RPH3AL: variants seen among roughly 807,000 people sequenced by gnomAD.
RPH3AL encodes rabphilin 3A like (without C2 domains), also known as rab effector Noc2.
A neutral mutation model predicts 43.1 loss-of-function variants in RPH3AL; 38 were observed. That is an observed-to-expected ratio of 0.88 (90% CI 0.68 to 1.15). The LOEUF (loss-of-function observed/expected upper bound fraction) is 1.15, where lower values mean the gene tolerates loss of function less well. Ranked by LOEUF, RPH3AL falls within the 50% of genes most tolerant of loss-of-function variation. RPH3AL has a pLI of 0.00. For missense variants in RPH3AL, 462 were observed against 423.2 expected, an observed-to-expected ratio of 1.09 and a Z score of -0.81; for synonymous variants, 189 against 176.3, an observed-to-expected ratio of 1.07 and a Z score of -0.57.
At chr17:222,766 G>A (rs955403128) in intron 7 of RPH3AL, among the ~76,000 whole-genome samples, 6 of 152,110 alleles carry the variant, frequency 3.9e-5, no homozygotes, top group African/African-American at 7.2e-5. Context: ...GAATTGCAGC[G>A]GGACCCACAG....
At chr17:298,503 C>T (rs1598041353) in intron 5 of RPH3AL, among the ~76,000 whole-genome samples, 1 of 151,640 alleles carries the variant, frequency 6.6e-6, no homozygotes, top group East Asian at 2.0e-4. Context: ...TTGAGACCAG[C>T]CTGGTCAATA....
rs1373235131 is a variant in RPH3AL, at chr17:344,409, TCACCCACATCATCATCACCATCAC to T, written c.-213+8279_-213+8302del. ...CCACCATCAGACATCATCACCATCA[TCACCCACATCATCATCACCATCAC>T]CACCATCAGACATCATCACCACTAT... On this transcript the variant is annotated intron_variant, in intron 1 of 9. Transcript: ENST00000331302. Among the ~76,000 whole-genome samples the T allele has an allele frequency of 5.4e-5, 7 of 130,158 alleles. 1 individual carries two copies. The highest frequency in any genetic ancestry group is 1.9e-4 in the African/African-American group (7 of 37,674). The allele number at this position is 130,158 out of a possible 152,430, so 85.4% of individuals were successfully genotyped here.
At chr17:230,086 T>C (rs537784083) in intron 7 of RPH3AL, among the ~76,000 whole-genome samples, 77 of 152,194 alleles carry the variant, frequency 5.1e-4, no homozygotes, top group African/African-American at 1.9e-3. Flanking sequence ...CAGGCTGCCA[T>C]GGAAAGGCCC....
rs200704991 is a variant in RPH3AL, at chr17:252,040, G to C, written c.439-4755C>G. On this transcript the variant is annotated intron_variant, in intron 6 of 9. Coordinates refer to ENST00000331302, the MANE Select transcript of RPH3AL (RefSeq NM_006987.4). ...CAGGACGGAGTGCAGTGGAGCAATC[G>C]GCTCACTGCAGCCTTCACCTGCCCA... is the stretch of plus-strand genomic sequence containing the variant. Among the ~76,000 whole-genome samples the C allele has an allele frequency of 2.6e-5, 4 of 151,166 alleles. No homozygotes were observed. The East Asian group carries it at 7.8e-4, about 29-fold the overall frequency.
intron 5 of RPH3AL, among the ~76,000 whole-genome samples, chr17:299,705 T>C (rs2043273891): frequency 6.6e-6 from 1 of 152,208 alleles, no homozygotes; most frequent in African/African-American, 2.4e-5. Context: ...GCCGACGAGG[T>C]GTGCGGCACG....
chr17:263,639 C>T (rs537215249), intron 6 of RPH3AL, among the ~76,000 whole-genome samples: 2 of 152,132 alleles, frequency 1.3e-5, no homozygotes, highest in Non-Finnish European at 2.9e-5. Flanking sequence ...TAGGTCGACT[C>T]GTGGGGAGCT....
At chr17:277,863 G>C (rs1307342960) in intron 6 of RPH3AL, among the ~76,000 whole-genome samples, 1 of 152,108 alleles carries the variant, frequency 6.6e-6, no homozygotes, top group Non-Finnish European at 1.5e-5. Flanking sequence ...GCTGAGGGGG[G>C]AGGGTTGTTT....
intron 5 of RPH3AL, among the ~76,000 whole-genome samples, chr17:313,396 C>T (rs1026171762): frequency 3.3e-5 from 5 of 152,238 alleles, no homozygotes; most frequent in Non-Finnish European, 5.9e-5. Context: ...GCCATCCGGC[C>T]GCTCACTCTC....
chr17:348,173 A>G (rs7215139), intron 1 of RPH3AL, among the ~76,000 whole-genome samples: 151,116 of 151,828 alleles, frequency 1, 75,211 homozygotes, highest in Middle Eastern at 1. Flanking sequence ...TTCCAACTAC[A>G]TCTATGACAT....
At chr17:220,722 A>G (rs368610830) in intron 7 of RPH3AL, among the ~76,000 whole-genome samples, 12 of 45,004 alleles carry the variant, frequency 2.7e-4, no homozygotes, top group Admixed American at 4.2e-4. Context: ...AGACCCAAGC[A>G]CATCAGCTCT....
intron 6 of RPH3AL, among the ~76,000 whole-genome samples, chr17:272,414 AC>A (rs2042487768): frequency 6.6e-6 from 1 of 152,024 alleles, no homozygotes; most frequent in African/African-American, 2.4e-5. Flanking sequence ...ACCATGGAGT[AC>A]TATGCAGCCA....
chr17:340,563 TCCCCACATCCACACTCACTGCCCCCCACC>T (rs2045091123), intron 1 of RPH3AL, among the ~76,000 whole-genome samples: 7 of 2,124 alleles, frequency 3.3e-3, no homozygotes, highest in Non-Finnish European at 5.1e-3. Flanking sequence ...CACCCAGGCC[TCCCCACATCCACACTCACTGCCCCCCACC>T]CAGGCCTCCC....
intron 1 of RPH3AL, among the ~76,000 whole-genome samples, chr17:342,469 T>A (rs186058972): frequency 2.0e-5 from 3 of 152,252 alleles, no homozygotes; most frequent in African/African-American, 7.2e-5. Flanking sequence ...GTCCATCAAC[T>A]GGGAAAAGGA....
chr17:237,840 G>C (rs2041435431), intron 7 of RPH3AL, among the ~76,000 whole-genome samples: 1 of 152,180 alleles, frequency 6.6e-6, no homozygotes. Flanking sequence ...TCACAATTGA[G>C]AAAGGCAGGC....
At chr17:244,794 G>A (rs1555539043) in intron 7 of RPH3AL, among the ~76,000 whole-genome samples, 1 of 152,218 alleles carries the variant, frequency 6.6e-6, no homozygotes, top group African/African-American at 2.4e-5. Context: ...GAGGAAGTGA[G>A]GGGGGCTCTG....
At chr17:295,285 T>A (rs1310656136) in intron 5 of RPH3AL, among the ~76,000 whole-genome samples, 2 of 115,544 alleles carry the variant, frequency 1.7e-5, no homozygotes, top group African/African-American at 3.4e-5. Context: ...GGGACAGAGA[T>A]GCTGCAGAAA....
intron 1 of RPH3AL, among the ~76,000 whole-genome samples, chr17:335,425 G>A (rs768327199): frequency 2.0e-5 from 3 of 152,062 alleles, no homozygotes; most frequent in Non-Finnish European, 4.4e-5. Flanking sequence ...GGTGGCTGGT[G>A]CCCTCTGAGC....
intron 5 of RPH3AL, among the ~76,000 whole-genome samples, chr17:293,157 C>T (rs1301211188): frequency 1.3e-5 from 2 of 152,148 alleles, no homozygotes; most frequent in Non-Finnish European, 2.9e-5. Flanking sequence ...AGGCCTGTGC[C>T]AGCCCCCAGC....
At chr17:241,731 T>C (rs1597910583) in intron 7 of RPH3AL, among the ~76,000 whole-genome samples, 1 of 151,106 alleles carries the variant, frequency 6.6e-6, no homozygotes, top group Non-Finnish European at 1.5e-5. Context: ...CTTTTTTTTT[T>C]TTTTTGAGAC....
Sources: gnomAD v4.1 joint callset for allele counts (sites outside exome capture counted in the v4.1 genomes callset) on GRCh38, gnomAD v4.1.1 for gene constraint, MANE v1.5 for transcripts, NCBI Gene and HGNC (gene_info 2026-07-23, HGNC 2026-07-21) for gene names.